Variants in CTNNA3 observed in about 807,000 individuals in gnomAD.
CTNNA3 encodes the protein catenin alpha-3.
In CTNNA3, 76 loss-of-function variants were observed where a neutral mutation model predicts 95.7. The observed-to-expected ratio is 0.79, with a 90% CI of 0.66 to 0.96. CTNNA3 has a LOEUF of 0.96. CTNNA3 is among the 40% of genes least tolerant of loss of function. CTNNA3 has a pLI of 0.00. For synonymous variants in CTNNA3, 431 were observed against 374.4 expected (o/e 1.15, Z -1.74); for missense variants, 1,191 against 1,089.8 (o/e 1.09, Z -1.31).
At chr10:67,121,352 T>G (rs1296815109) in intron 7 of CTNNA3, among the ~76,000 whole-genome samples, 1 of 152,046 alleles carries the variant, frequency 6.6e-6, no homozygotes, top group East Asian at 1.9e-4. Flanking sequence ...GACACCAGAA[T>G]AAATCATGAA....
At chr10:66,118,232 C>G (rs1048074751) in intron 13 of CTNNA3, 1 of 152,044 alleles carries the variant, frequency 6.6e-6, no homozygotes, top group African/African-American at 2.4e-5. Context: ...TATGTCTTTG[C>G]TTTGTCCTAT....
chr10:66,947,512 G>A lies in CTNNA3; in HGVS notation c.1048-171988C>T, dbSNP rs967797322. Among the ~76,000 whole-genome samples the A allele has an allele frequency of 1.1e-4, 17 of 152,014 alleles. No individual in the cohort carries two copies. The South Asian group carries it at 2.5e-3, about 22-fold the overall frequency. ...TTAAGCAACTGAGCCTGCCCTCTTT[G>A]TTTCCCCCACCCTCTCTCACTCTGT... On this transcript the variant is annotated intron_variant, in intron 7 of 17. Transcript: ENST00000433211.
At chr10:66,061,861 G>C (rs1004305172) in intron 15 of CTNNA3, among the ~76,000 whole-genome samples, 5 of 152,032 alleles carry the variant, frequency 3.3e-5, no homozygotes, top group Admixed American at 3.3e-4. Flanking sequence ...AATCCTAACA[G>C]ATTGAACATT....
rs143797833 is a variant in CTNNA3 at position 66,553,769 on chromosome 10, C to T, written c.1375-32996G>A. Among the ~76,000 whole-genome samples the T allele has an allele frequency of 9.9e-3, 1,501 of 151,666 alleles. 23 individuals carry two copies. The highest frequency in any genetic ancestry group is 0.034 in the African/African-American group (1,408 of 41,382). ...GTGTCAATCTCCTGACCTCGTGATC[C>T]ACCTGCCTCAGCCTCCCAAAGTGCT... On this transcript the variant is annotated intron_variant, in intron 10 of 17. Transcript: ENST00000433211.
intron 9 of CTNNA3, among the ~76,000 whole-genome samples, chr10:66,742,282 C>T (rs1427947724): frequency 6.6e-6 from 1 of 152,128 alleles, no homozygotes; most frequent in Non-Finnish European, 1.5e-5. Context: ...CGCTCCCAGG[C>T]TTATTAGGAT....
chr10:67,628,594 A>G (rs1839035486), intron 2 of CTNNA3, among the ~76,000 whole-genome samples: 2 of 152,164 alleles, frequency 1.3e-5, no homozygotes, highest in African/African-American at 4.8e-5. Flanking sequence ...ATATTAAATT[A>G]TATGGGAAGA....
chr10:67,671,415 T>G (rs1433486095), intron 1 of CTNNA3, among the ~76,000 whole-genome samples: 1 of 152,138 alleles, frequency 6.6e-6, no homozygotes, highest in East Asian at 1.9e-4. Flanking sequence ...ATGTGCAGGT[T>G]TGTTACATGT....
intron 12 of CTNNA3, among the ~76,000 whole-genome samples, chr10:66,355,005 T>C (rs2092597956): frequency 6.6e-6 from 1 of 152,114 alleles, no homozygotes; most frequent in Non-Finnish European, 1.5e-5. Context: ...GCAACTAATA[T>C]TATTTTTAAA....
At chr10:65,937,145 C>A (rs74140875) in intron 17 of CTNNA3, among the ~76,000 whole-genome samples, 3,990 of 152,080 alleles carry the variant, frequency 0.026, 158 homozygotes, top group African/African-American at 0.09. Flanking sequence ...AATGTAAACC[C>A]CCTTCTTTGA....
intron 7 of CTNNA3, among the ~76,000 whole-genome samples, chr10:66,937,048 G>C (rs759197115): frequency 1.3e-5 from 2 of 151,956 alleles, no homozygotes; most frequent in Admixed American, 6.6e-5. Context: ...GCCAAGGCAG[G>C]GTAAATAATC....
At chr10:66,850,479 C>A (rs900335316) in intron 7 of CTNNA3, among the ~76,000 whole-genome samples, 2 of 152,036 alleles carry the variant, frequency 1.3e-5, no homozygotes, top group African/African-American at 4.8e-5. Flanking sequence ...GGGCAAAAAG[C>A]TTTGCTATTC....
intron 10 of CTNNA3, among the ~76,000 whole-genome samples, chr10:66,544,997 C>G (rs1398058184): frequency 6.6e-6 from 1 of 151,958 alleles, no homozygotes; most frequent in African/African-American, 2.4e-5. Flanking sequence ...TAATTAATCA[C>G]CCTATAGTAG....
intron 9 of CTNNA3, among the ~76,000 whole-genome samples, chr10:66,765,185 A>G (rs367604720): frequency 5.4e-4 from 83 of 152,304 alleles, no homozygotes; most frequent in African/African-American, 1.8e-3. Context: ...CGCAAATGCT[A>G]GCTGCATTGG....
At chr10:66,142,742 C>T (rs1429416919) in intron 13 of CTNNA3, among the ~76,000 whole-genome samples, 3 of 152,052 alleles carry the variant, frequency 2.0e-5, no homozygotes, top group African/African-American at 2.4e-5. Flanking sequence ...AGAGACCTCA[C>T]CACAATGCAT....
chr10:66,536,355 A>ACCTGTAAC (rs1473510216), intron 10 of CTNNA3, among the ~76,000 whole-genome samples: 1 of 151,670 alleles, frequency 6.6e-6, no homozygotes, highest in African/African-American at 2.4e-5. Context: ...GGTGGTGTGC[A>ACCTGTAAC]CCTGTAATCC....
At chr10:67,573,401 C>T (rs1374625349) in intron 3 of CTNNA3, among the ~76,000 whole-genome samples, 2 of 152,134 alleles carry the variant, frequency 1.3e-5, no homozygotes, top group Non-Finnish European at 2.9e-5. Context: ...TCTTGAGGTA[C>T]ATGGAAGAGA....
At chr10:66,703,819 G>A (rs754722672) in intron 9 of CTNNA3, among the ~76,000 whole-genome samples, 4 of 152,142 alleles carry the variant, frequency 2.6e-5, no homozygotes, top group Non-Finnish European at 4.4e-5. Context: ...CCAAAACAGT[G>A]ATGTTTCATT....
chr10:66,481,415 G>GGTATT (rs1271314841), intron 11 of CTNNA3, among the ~76,000 whole-genome samples: 2 of 148,736 alleles, frequency 1.3e-5, no homozygotes, highest in Non-Finnish European at 3.0e-5. Context: ...TGCTGTTTTA[G>GGTATT]GTATTGGGTA....
intron 9 of CTNNA3, among the ~76,000 whole-genome samples, chr10:66,663,333 C>G (rs1846328154): frequency 6.6e-6 from 1 of 151,962 alleles, no homozygotes; most frequent in Non-Finnish European, 1.5e-5. Flanking sequence ...ATGTCCCTTT[C>G]ACATACCTCA....
Sources: allele counts gnomAD v4.1 joint callset (sites outside exome capture counted in the v4.1 genomes callset), GRCh38; gene constraint gnomAD v4.1.1; transcripts MANE v1.5; gene names NCBI Gene and HGNC (gene_info 2026-07-23, HGNC 2026-07-21).